Variants in DZIP1 observed in about 807,000 individuals in gnomAD.
The protein encoded by DZIP1 is DAZ interacting zinc finger protein 1.
A neutral mutation model predicts 107.6 loss-of-function variants in DZIP1; 97 were observed. That is an observed-to-expected ratio of 0.90 (90% CI 0.77 to 1.07). DZIP1 has a LOEUF of 1.07. Among genes scored for constraint, DZIP1 ranks in the 50% least tolerant of loss-of-function variants. The pLI is 0.00. For synonymous variants in DZIP1, 390 were observed against 386.4 expected, an observed-to-expected ratio of 1.01 and a Z score of -0.11; for missense variants, 1,035 against 1,063.6, an observed-to-expected ratio of 0.97 and a Z score of 0.37.
chr13:95,589,049 A>T, intron 19 of DZIP1, 105 bp downstream of exon 19: 1 of 897,990 alleles, frequency 1.1e-6, no homozygotes, highest in Non-Finnish European at 1.8e-6. Flanking sequence ...GATATTAAAT[A>T]ATTACGGCTT....
Position 95,587,711 on chromosome 13 carries a change from T to C in DZIP1, c.2046A>G (p.Ser682=). The change falls in exon 20 of 23, where the codon TCA becomes TCG. Residue 682 remains serine, a synonymous_variant. Coordinates refer to ENST00000376829, the MANE Select transcript of DZIP1 (RefSeq NM_198968.4). ...GGTCGTCGTCCTCCTGCTCCTCCTC[T>C]GAACTAAAAGGAGGGGTCCTACACA... The part of the protein sequence containing the change: ...SSTITTPPFS[S]EEEQEDDDLI... 6.2e-7 allele frequency: 1 copy of C among 1,613,962 alleles called. No individual in the cohort carries two copies. The highest frequency in any genetic ancestry group is 8.5e-7 in the Non-Finnish European group (1 of 1,180,000).
At chr13:95,616,157 C>T (rs912242718) in intron 10 of DZIP1, among the ~76,000 whole-genome samples, 60 of 152,298 alleles carry the variant, frequency 3.9e-4, no homozygotes, top group African/African-American at 1.4e-3. Context: ...CTCCTGGGAT[C>T]CTGCATCTTA....
intron 13 of DZIP1, 114 bp from the exon 14 acceptor site, chr13:95,606,173 G>A: frequency 4.8e-6 from 4 of 827,374 alleles, no homozygotes; most frequent in South Asian, 1.6e-5. Context: ...CAGACCATAA[G>A]GAACAAATAT....
intron 10 of DZIP1, chr13:95,617,938 G>A (rs369365266): frequency 5.8e-6 from 3 of 518,914 alleles, no homozygotes; most frequent in African/African-American, 5.8e-5. Context: ...GAATCAAGAT[G>A]AGCATCTGGA....
At chr13:95,624,618 T>C in intron 8 of DZIP1, 150 bp downstream of exon 8, 1 of 736,246 alleles carries the variant, frequency 1.4e-6, no homozygotes, top group Non-Finnish European at 2.3e-6. Context: ...TCACTCTGTC[T>C]CCTCTATGCC....
intron 14 of DZIP1, among the ~76,000 whole-genome samples, chr13:95,600,590 T>TGATAGATAGATAGATGATA (rs2044588598): frequency 7.1e-6 from 1 of 141,674 alleles, no homozygotes; most frequent in Non-Finnish European, 1.5e-5. Flanking sequence ...GATAGATAGA[T>TGATAGATAGATAGATGATA]GATAGATAGA....
rs2044903343 is a variant in DZIP1 at position 95,609,403 on chromosome 13, G to A, written c.1420+54C>T. 3.3e-6 allele frequency: 4 copies of A among 1,198,252 alleles called. No homozygotes were observed. The South Asian group carries it at 7.8e-5, about 23-fold the overall frequency. The allele number at this position is 1,198,252 out of a possible 1,614,324, so 74.2% of individuals were successfully genotyped here. A position where few individuals can be genotyped will look rare whatever the true frequency, so the allele number is the denominator to read the frequency against. On this transcript the variant is annotated intron_variant, in intron 13 of 22. Coordinates refer to ENST00000376829, the MANE Select transcript of DZIP1 (RefSeq NM_198968.4). ...AAATAGTAAGTAAAAGTTATGTTTT[G>A]GTTTAGCATTTTAAAGATACCTTTG...
In DZIP1 at chr13:95,583,901, T is replaced by C. The variant is rs140216719; in HGVS notation, c.2524+835A>G. Among the ~76,000 whole-genome samples the C allele has an allele frequency of 6.2e-3, 936 of 152,104 alleles. 8 individuals carry two copies. The highest frequency in any genetic ancestry group is 0.021 in the African/African-American group (860 of 41,508). On this transcript the variant is annotated intron_variant, in intron 22 of 22. Coordinates refer to ENST00000376829, the MANE Select transcript of DZIP1 (RefSeq NM_198968.4). ...TACTCAGGAGACTGAGGCAGAAGGA[T>C]TGCTTGAGCCCAGGAGTTTGAATCC...
chr13:95,582,245 A>C lies in DZIP1; in HGVS notation c.2593T>G (p.Ser865Ala), dbSNP rs1292860992. Residue 865 changes from serine (S) to alanine (A), a missense_variant, in exon 23 of 23, where the codon TCA becomes GCA. Physicochemically the swap from Ser to Ala is moderately conservative, Grantham distance 99. Transcript: ENST00000376829. ...TCTGACATGTGGAATTAGACATCTG[A>C]AGTGTCGCTCCAATCAGTCACAGTT... ...LVTVTDWSDT[S>A]DV is the part of the protein sequence containing the mutation. The C allele has an allele frequency of 1.2e-6, 2 of 1,614,054 alleles. No homozygotes were observed. The highest frequency in any genetic ancestry group is 1.7e-6 in the Non-Finnish European group (2 of 1,179,944).
chr13:95,638,021 G>A (rs1266946753), intron 5 of DZIP1, among the ~76,000 whole-genome samples: 4 of 149,086 alleles, frequency 2.7e-5, no homozygotes, highest in Non-Finnish European at 5.9e-5. Flanking sequence ...TTTCTAAGAT[G>A]TTTAAAACTC....
chr13:95,588,169 A>T (rs2044216196), intron 19 of DZIP1: 1 of 153,078 alleles, frequency 6.5e-6, no homozygotes, highest in Admixed American at 6.5e-5. Flanking sequence ...ATGAATTATT[A>T]CCCCCATTTT....
chr13:95,581,352 CATACAT>C lies in DZIP1; in HGVS notation c.*876_*881del, dbSNP rs1346621396. The C allele has an allele frequency of 6.6e-6, 1 of 152,154 alleles. No homozygotes were observed. Among genetic ancestry groups the C allele is most frequent in the Non-Finnish European group, 1.5e-5 (1 of 67,890 alleles). The allele number at this position is 152,154 out of a possible 1,614,324, so 9.4% of individuals were successfully genotyped here. On this transcript the variant is annotated 3_prime_UTR_variant, in exon 23 of 23. Coordinates refer to ENST00000376829, the MANE Select transcript of DZIP1 (RefSeq NM_198968.4). ...GGGTATTTTAAATAGTAAAAAAAAA[CATACAT>C]ATGTGAATTCAGTAATGGCTCAAAT... is the stretch of plus-strand genomic sequence containing the variant.
chr13:95,602,028 C>T (rs1011594896), intron 14 of DZIP1, among the ~76,000 whole-genome samples: 16 of 152,070 alleles, frequency 1.1e-4, no homozygotes, highest in African/African-American at 3.9e-4. Flanking sequence ...TCTGGTCAGG[C>T]CAAGCCTCCC....
rs2044199983 is a variant in DZIP1, at chr13:95,587,679, C to T, written c.2078G>A (p.Arg693Gln). ...AAGTGGGCCTGGGGATGCGTATGCCCGGATGAGGTCGTCGTCCTCCTGCTC... is the reference window on the plus strand; with the variant it reads ...AAGTGGGCCTGGGGATGCGTATGCCTGGATGAGGTCGTCGTCCTCCTGCTC... ...EEEQEDDDLIRAYASPGPLPV... is the reference protein window; with the variant it reads ...EEEQEDDDLIQAYASPGPLPV... The change falls in exon 20 of 23, where the codon CGG becomes CAG. Residue 693 changes from arginine to glutamine, a missense_variant. By Grantham distance (43) the Arg-to-Gln change is conservative. Transcript: ENST00000376829. 2.5e-6 allele frequency: 4 copies of T among 1,613,930 alleles called. No homozygotes were observed. Among genetic ancestry groups the T allele is most frequent in the South Asian group, 1.1e-5 (1 of 91,064 alleles).
intron 7 of DZIP1, among the ~76,000 whole-genome samples, chr13:95,628,390 A>C (rs1422275472): frequency 2.6e-5 from 4 of 152,188 alleles, no homozygotes; most frequent in Non-Finnish European, 5.9e-5. Context: ...AAATTCATAG[A>C]CATAAAAAGA....
At chr13:95,636,543 C>CAA (rs58289509) in intron 5 of DZIP1, among the ~76,000 whole-genome samples, 4,501 of 118,048 alleles carry the variant, frequency 0.038, 131 homozygotes, top group East Asian at 0.069. Context: ...GACCTTGACT[C>CAA]AAAAAAAAAA....
In DZIP1 at chr13:95,641,601, G is replaced by T; in HGVS notation, c.291C>A (p.Thr97=). Reference sequence around the variant, plus strand: ...ACTTCTCGTCTTCCAGCTTGCAGAAGGTGATGTTCATGATGTTCTCCTGCA... The same window carrying T: ...ACTTCTCGTCTTCCAGCTTGCAGAATGTGATGTTCATGATGTTCTCCTGCA... ...LTLQENIMNI[T]FCKLEDEKCP... The change falls in exon 5 of 23, where the codon ACC becomes ACA. Residue 97 remains threonine, a synonymous_variant. Transcript: ENST00000376829. This position sits in a 1 kb window ranked among gnomAD's most constrained non-coding sequence, Gnocchi z 4.3. The T allele has an allele frequency of 6.2e-7, 1 of 1,613,162 alleles. No homozygotes were observed. The highest frequency in any genetic ancestry group is 8.5e-7 in the Non-Finnish European group (1 of 1,180,048).
intron 15 of DZIP1, among the ~76,000 whole-genome samples, chr13:95,595,995 C>G (rs1209599268): frequency 6.6e-6 from 1 of 152,096 alleles, no homozygotes. Flanking sequence ...CAAACTACTG[C>G]AGATTACGCA....
At chr13:95,586,840 G>A (rs1005497693) in intron 20 of DZIP1, among the ~76,000 whole-genome samples, 7 of 151,622 alleles carry the variant, frequency 4.6e-5, no homozygotes, top group African/African-American at 1.2e-4. Flanking sequence ...TCTACTTCTC[G>A]TCAGCAAATA....
Sources: gnomAD v4.1 joint callset for allele counts (sites outside exome capture counted in the v4.1 genomes callset) on GRCh38, gnomAD v4.1.1 for gene constraint, Gnocchi (gnomAD v3.1) non-coding constraint, MANE v1.5 for transcripts, NCBI Gene and HGNC (gene_info 2026-07-23, HGNC 2026-07-21) for gene names.